Variants in CHST13 observed in about 807,000 individuals in gnomAD.
CHST13 encodes carbohydrate sulfotransferase 13, also known as C4ST-3.
In CHST13, 1 loss-of-function variant was observed where a neutral mutation model predicts 7.0. That is an observed-to-expected ratio of 0.14 (90% CI 0.05 to 0.68). The LOEUF (loss-of-function observed/expected upper bound fraction) is 0.68. Among genes scored for constraint, CHST13 ranks in the 30% least tolerant of loss-of-function variants. The pLI, the probability that CHST13 is intolerant of heterozygous loss-of-function variation, is 0.82. For missense variants in CHST13, 572 were observed against 507.9 expected, an observed-to-expected ratio of 1.13 and a Z score of -1.21; for synonymous variants, 257 against 240.9, an observed-to-expected ratio of 1.07 and a Z score of -0.62.
chr3:126,524,255 G>A lies in CHST13; in HGVS notation c.-78G>A. The A allele has an allele frequency of 8.9e-7, 1 of 1,117,704 alleles. No individual in the cohort carries two copies. Among genetic ancestry groups the A allele is most frequent in the Admixed American group, 4.5e-5 (1 of 22,384 alleles). 69.2% of individuals were successfully genotyped at this position (1,117,704 alleles called of 1,614,324 possible). A position where few individuals can be genotyped will look rare whatever the true frequency, so the allele number is the denominator to read the frequency against. On this transcript the variant is annotated 5_prime_UTR_variant, in exon 1 of 3. Transcript: ENST00000319340. ...CGTCTTGGTAGGCGCTGCGCTGCCG[G>A]GGCCGGGTCCTGGGCCAGTGCAACT...
At chr3:126,536,473 C>T (rs1936793471) in intron 2 of CHST13, 120 bp downstream of exon 2, 2 of 695,362 alleles carry the variant, frequency 2.9e-6, no homozygotes, top group African/African-American at 1.8e-5. Flanking sequence ...AGAAGGGCAT[C>T]CTCCCCAAAC....
chr3:126,528,614 C>G (rs1246085283), intron 1 of CHST13, among the ~76,000 whole-genome samples: 1 of 152,014 alleles, frequency 6.6e-6, no homozygotes, highest in Non-Finnish European at 1.5e-5. Context: ...GGGGCCTACC[C>G]GGGGCTGGCC....
intron 1 of CHST13, 148 bp from the exon 2 acceptor site, chr3:126,536,123 C>T (rs1352022772): frequency 1.2e-4 from 78 of 629,868 alleles, no homozygotes; most frequent in Non-Finnish European, 1.6e-4. Flanking sequence ...ATCCCCCACT[C>T]CACCAAGCCC....
At chr3:126,540,452 T>C (rs1936934772) in intron 2 of CHST13, among the ~76,000 whole-genome samples, 1 of 152,220 alleles carries the variant, frequency 6.6e-6, no homozygotes, top group African/African-American at 2.4e-5. Flanking sequence ...TGGATGTGAC[T>C]GCTCTAGGGA....
intron 2 of CHST13, among the ~76,000 whole-genome samples, chr3:126,541,349 G>A (rs1185203693): frequency 2.0e-5 from 3 of 152,190 alleles, no homozygotes; most frequent in South Asian, 2.1e-4. Context: ...ATTGGGTGTG[G>A]AATTAAACAG....
At chr3:126,526,985 A>G (rs918605501) in intron 1 of CHST13, 1 of 152,206 alleles carries the variant, frequency 6.6e-6, no homozygotes, top group Non-Finnish European at 1.5e-5. Flanking sequence ...AAAACTTAGA[A>G]ATACCCCTGC....
intron 2 of CHST13, among the ~76,000 whole-genome samples, chr3:126,540,143 A>T (rs1291984037): frequency 6.6e-6 from 1 of 151,936 alleles, no homozygotes; most frequent in Non-Finnish European, 1.5e-5. Flanking sequence ...GACCCTCCCA[A>T]GCAGGCCCTG....
intron 1 of CHST13, among the ~76,000 whole-genome samples, chr3:126,530,447 A>T (rs953479456): frequency 1.3e-5 from 2 of 152,172 alleles, no homozygotes; most frequent in Admixed American, 1.3e-4. Flanking sequence ...TCGGCTTCTC[A>T]GTCACTGCAA....
At chr3:126,540,468 C>G (rs1408194421) in intron 2 of CHST13, among the ~76,000 whole-genome samples, 1 of 152,166 alleles carries the variant, frequency 6.6e-6, no homozygotes, top group Non-Finnish European at 1.5e-5. Flanking sequence ...AGGGACCTCA[C>G]TAAGTGGGAC....
At chr3:126,526,317 C>A (rs953778588) in intron 1 of CHST13, among the ~76,000 whole-genome samples, 1 of 152,244 alleles carries the variant, frequency 6.6e-6, no homozygotes, top group Admixed American at 6.5e-5. Context: ...GGAGGGGCAT[C>A]CCCTGCCCTT....
In CHST13 at chr3:126,532,410, T is replaced by C. The variant is rs1936678327; in HGVS notation, c.98-3861T>C. On this transcript the variant is annotated intron_variant, in intron 1 of 2. Transcript: ENST00000319340. Reference sequence around the variant, plus strand: ...GAGTTTCATAGTTTTAACTTCAATGTTTGGGGCTATGATCCATTTTGAGTT... The same window carrying C: ...GAGTTTCATAGTTTTAACTTCAATGCTTGGGGCTATGATCCATTTTGAGTT... Among the ~76,000 whole-genome samples, 4 of 152,364 alleles carry C rather than the reference T, an allele frequency of 2.6e-5. No homozygotes were observed. The South Asian group carries it at 8.3e-4, about 32-fold the overall frequency.
chr3:126,541,707 CCT>C (rs1936959670), intron 2 of CHST13, 24 bp from the exon 3 acceptor site: 5 of 1,429,192 alleles, frequency 3.5e-6, no homozygotes, highest in Admixed American at 5.5e-5. Context: ...GACGCGTCCC[CCT>C]GTCCCGTCTC....
Position 126,542,783 on chromosome 3 carries a change from G to A in CHST13, c.*205G>A, listed in dbSNP as rs1937000013. On this transcript the variant is annotated 3_prime_UTR_variant, in exon 3 of 3. Coordinates refer to ENST00000319340, the MANE Select transcript of CHST13 (RefSeq NM_152889.3). ...GGCCCTGCACGCGTGTGCCTGCCTCGGCCTGTCGCCTGAGGCCTGCTTCCT... is the reference window on the plus strand; with the variant it reads ...GGCCCTGCACGCGTGTGCCTGCCTCAGCCTGTCGCCTGAGGCCTGCTTCCT... The A allele has an allele frequency of 1.5e-6, 1 of 651,794 alleles. No homozygotes were observed. The highest frequency in any genetic ancestry group is 2.2e-6 in the Non-Finnish European group (1 of 446,032). 40.4% of individuals were successfully genotyped at this position (651,794 alleles called of 1,614,324 possible).
chr3:126,536,611 T>TG (rs1380321497), intron 2 of CHST13, among the ~76,000 whole-genome samples: 22 of 151,866 alleles, frequency 1.4e-4, no homozygotes, highest in Admixed American at 8.5e-4. Flanking sequence ...GTGTTGCAGA[T>TG]AAAAAAGAGT....
chr3:126,527,188 T>A (rs1168551420), intron 1 of CHST13: 1 of 152,298 alleles, frequency 6.6e-6, no homozygotes, highest in African/African-American at 2.4e-5. Flanking sequence ...GGCCTCTGCA[T>A]CCCATCCCAG....
chr3:126,524,367 C>A lies in CHST13; in HGVS notation c.35C>A (p.Ala12Glu), dbSNP rs1399484284. The A allele has an allele frequency of 1.6e-6, 2 of 1,235,640 alleles. No homozygotes were observed. The highest frequency in any genetic ancestry group is 3.1e-5 in the African/African-American group (2 of 63,784). 76.5% of individuals were successfully genotyped at this position (1,235,640 alleles called of 1,614,324 possible). A position where few individuals can be genotyped will look rare whatever the true frequency, so the allele number is the denominator to read the frequency against. Residue 12 changes from alanine (A) to glutamate (E), a missense_variant, in exon 1 of 3, where the codon GCG (alanine) becomes GAG (glutamate). Ala to Glu is a moderately radical substitution (Grantham distance 107). Transcript: ENST00000319340. ...GRRCCRRRVLAAACLGAALLL... is the reference protein window; with the variant it reads ...GRRCCRRRVLEAACLGAALLL... ...CGCTGCTGCCGGCGGCGCGTGCTGG[C>A]GGCCGCCTGTCTGGGCGCCGCGCTC...
intron 1 of CHST13, among the ~76,000 whole-genome samples, chr3:126,525,784 A>T (rs978950895): frequency 9.9e-5 from 15 of 152,056 alleles, no homozygotes; most frequent in Non-Finnish European, 2.9e-5. Context: ...TCTTTGAGTG[A>T]CTGCATGGAG....
intron 2 of CHST13, among the ~76,000 whole-genome samples, chr3:126,539,291 C>T (rs1317704667): frequency 2.0e-5 from 3 of 152,072 alleles, no homozygotes; most frequent in Non-Finnish European, 4.4e-5. Flanking sequence ...CTTTGTGAAA[C>T]GTTTTTTATT....
At chr3:126,537,231 G>A (rs1936814652) in intron 2 of CHST13, among the ~76,000 whole-genome samples, 2 of 152,216 alleles carry the variant, frequency 1.3e-5, no homozygotes, top group African/African-American at 4.8e-5. Context: ...GAGTCAATAG[G>A]CAGACAGGAA....
Sources: gnomAD v4.1 joint callset for allele counts (sites outside exome capture counted in the v4.1 genomes callset) on GRCh38, gnomAD v4.1.1 for gene constraint, MANE v1.5 for transcripts, NCBI Gene and HGNC (gene_info 2026-07-23, HGNC 2026-07-21) for gene names.